Variants in MIB1 observed in about 807,000 individuals in gnomAD.
MIB1 encodes the protein E3 ubiquitin-protein ligase MIB1.
Under a neutral mutation model 124.5 loss-of-function variants are expected in MIB1, and 278 were observed. The observed-to-expected ratio is 2.23, with a 90% CI of 2.02 to 2.47. The LOEUF (loss-of-function observed/expected upper bound fraction) is 2.47. MIB1 is among the 30% of genes most tolerant of loss of function. MIB1 has a pLI of 0.00. For synonymous variants in MIB1, 446 were observed against 429.4 expected, an observed-to-expected ratio of 1.04 and a Z score of -0.48; for missense variants, 957 against 1,254.4, an observed-to-expected ratio of 0.76 and a Z score of 3.58.
Position 21,791,440 on chromosome 18 carries a change from TG to T in MIB1, c.976del (p.Ala326GlnfsTer41). On this transcript the variant is annotated frameshift_variant, in exon 7 of 21. Transcript: ENST00000261537. LOFTEE classifies it high-confidence loss of function. ...TCCGAAGTGGAGATGCTGCTCAGGGTGCAGAAGGAGGCACCTCGCAGTTTCA... is the reference window on the plus strand; with the variant it reads ...TCCGAAGTGGAGATGCTGCTCAGGGTCAGAAGGAGGCACCTCGCAGTTTCA... ...IVRSGDAAQG[A>X]EGGTSQFQVG... The T allele has an allele frequency of 6.2e-7, 1 of 1,614,040 alleles. No individual in the cohort carries two copies. Among genetic ancestry groups the T allele is most frequent in the Non-Finnish European group, 8.5e-7 (1 of 1,179,968 alleles).
At chr18:21,853,711 G>A (rs2042201000) in intron 18 of MIB1, among the ~76,000 whole-genome samples, 1 of 151,698 alleles carries the variant, frequency 6.6e-6, no homozygotes, top group Non-Finnish European at 1.5e-5. Flanking sequence ...TCTTTGTGAG[G>A]GCAGTATTAA....
intron 13 of MIB1, among the ~76,000 whole-genome samples, chr18:21,841,362 A>G (rs1441426422): frequency 1.3e-5 from 2 of 152,198 alleles, no homozygotes; most frequent in Non-Finnish European, 2.9e-5. Context: ...GGAGTGAGAC[A>G]CCATCTCCAA....
chr18:21,847,318 C>A (rs866454892), intron 16 of MIB1, among the ~76,000 whole-genome samples, 193 bp downstream of exon 16: 8 of 151,996 alleles, frequency 5.3e-5, no homozygotes, highest in Admixed American at 1.3e-4. Flanking sequence ...TATTTTATGC[C>A]ATATTCCCCA....
intron 12 of MIB1, among the ~76,000 whole-genome samples, chr18:21,832,781 T>C (rs1449694473): frequency 6.6e-6 from 1 of 152,206 alleles, no homozygotes; most frequent in Non-Finnish European, 1.5e-5. Context: ...TAAACAGCTT[T>C]CCTAGATATT....
rs774366178 is a variant in MIB1, at chr18:21,779,680, C to CA, written c.905dup (p.Asn302LysfsTer2). ...ACATTGTAGTACAGTATCCAAGTGG[C>CA]AATAGGTGGGTGATATCTCTCAATT... On this transcript the variant is annotated frameshift_variant, in exon 6 of 21. Transcript: ENST00000261537. LOFTEE classifies it high-confidence loss of function. 2 of 1,611,716 alleles carry CA rather than the reference C, an allele frequency of 1.2e-6. No homozygotes were observed. Among genetic ancestry groups the CA allele is most frequent in the Non-Finnish European group, 1.7e-6 (2 of 1,177,950 alleles).
At chr18:21,750,944 C>T (rs1598591495) in intron 1 of MIB1, among the ~76,000 whole-genome samples, 1 of 152,240 alleles carries the variant, frequency 6.6e-6, no homozygotes, top group East Asian at 1.9e-4. Flanking sequence ...CGCCTGTAAT[C>T]CTAGCACTTT....
At chr18:21,858,956 A>G (rs2042251058) in intron 20 of MIB1, among the ~76,000 whole-genome samples, 1 of 152,244 alleles carries the variant, frequency 6.6e-6, no homozygotes, top group African/African-American at 2.4e-5. Context: ...GTCAGTATCA[A>G]ATGTTAGGCA....
At chr18:21,712,535 T>C (rs1366969080) in intron 1 of MIB1, among the ~76,000 whole-genome samples, 1 of 152,216 alleles carries the variant, frequency 6.6e-6, no homozygotes, top group Non-Finnish European at 1.5e-5. Flanking sequence ...AGCAGCGAAC[T>C]GTAGGCAGCC....
intron 7 of MIB1, 42 bp from the exon 8 acceptor site, chr18:21,798,042 A>G (rs1334742369): frequency 6.2e-7 from 1 of 1,601,566 alleles, no homozygotes; most frequent in Non-Finnish European, 8.5e-7. Flanking sequence ...TTTATGGTAT[A>G]TACTTTAGAC....
chr18:21,862,331 G>C (rs1200010293), intron 20 of MIB1, among the ~76,000 whole-genome samples: 1 of 152,100 alleles, frequency 6.6e-6, no homozygotes, highest in Non-Finnish European at 1.5e-5. Context: ...AATGATCTCT[G>C]GTATTCTCAA....
At chr18:21,818,659 G>T (rs376985420) in intron 11 of MIB1, among the ~76,000 whole-genome samples, 2 of 152,004 alleles carry the variant, frequency 1.3e-5, no homozygotes, top group African/African-American at 4.8e-5. Flanking sequence ...GAACTTTGCC[G>T]GGCAAGGTGG....
At chr18:21,708,374 C>T (rs1319569036) in intron 1 of MIB1, among the ~76,000 whole-genome samples, 2 of 152,222 alleles carry the variant, frequency 1.3e-5, no homozygotes, top group Non-Finnish European at 2.9e-5. Flanking sequence ...ACTATTTTGG[C>T]TGGGCATAGT....
At chr18:21,727,187 G>C (rs1021057247) in intron 1 of MIB1, among the ~76,000 whole-genome samples, 2 of 151,834 alleles carry the variant, frequency 1.3e-5, no homozygotes, top group African/African-American at 4.9e-5. Context: ...TCAGCTCACT[G>C]CAACTTCTAC....
chr18:21,844,939 A>T (rs937342164), intron 15 of MIB1, among the ~76,000 whole-genome samples: 1 of 151,444 alleles, frequency 6.6e-6, no homozygotes, highest in Admixed American at 6.6e-5. Flanking sequence ...AGAGTTCTTT[A>T]TGTAATCGGA....
chr18:21,720,428 C>T (rs1414433206), intron 1 of MIB1, among the ~76,000 whole-genome samples: 1 of 151,912 alleles, frequency 6.6e-6, no homozygotes, highest in Non-Finnish European at 1.5e-5. Context: ...TTAGGAAAAT[C>T]CAGAATATGG....
At chr18:21,798,003 C>A in intron 7 of MIB1, 81 bp from the exon 8 acceptor site, 2 of 1,368,536 alleles carry the variant, frequency 1.5e-6, no homozygotes, top group Non-Finnish European at 1.0e-6. Flanking sequence ...AAAATCATTA[C>A]TTTAAGCATA....
chr18:21,782,507 G>A (rs2041381897), intron 6 of MIB1, among the ~76,000 whole-genome samples: 1 of 151,812 alleles, frequency 6.6e-6, no homozygotes, highest in African/African-American at 2.4e-5. Context: ...GATATGTTGT[G>A]TTTCCATTTT....
chr18:21,854,196 G>T (rs1001288386), intron 18 of MIB1, among the ~76,000 whole-genome samples: 2 of 152,016 alleles, frequency 1.3e-5, no homozygotes, highest in African/African-American at 4.8e-5. Flanking sequence ...AAGTAAAAAA[G>T]GACTCAGGTT....
At chr18:21,775,084 T>C (rs957231777) in intron 4 of MIB1, among the ~76,000 whole-genome samples, 118 of 152,058 alleles carry the variant, frequency 7.8e-4, no homozygotes, top group Non-Finnish European at 7.2e-4. Flanking sequence ...TAGCTGGGAC[T>C]GTAGGCGCCC....
Sources: gnomAD v4.1 joint callset for allele counts (sites outside exome capture counted in the v4.1 genomes callset) on GRCh38, gnomAD v4.1.1 for gene constraint, MANE v1.5 for transcripts, NCBI Gene and HGNC (gene_info 2026-07-23, HGNC 2026-07-21) for gene names.